The following B3GALNT1 variants were observed in gnomAD, a reference collection of about 807,000 sequenced individuals.
The protein encoded by B3GALNT1 is UDP-GalNAc:beta-1,3-N-acetylgalactosaminyltransferase 1.
B3GALNT1 carries 17 observed loss-of-function variants against 27.3 expected under a neutral mutation model. The ratio of observed to expected loss-of-function variants is 0.62; its 90% confidence interval spans 0.43 to 0.94. B3GALNT1 has a LOEUF of 0.94. Ranked by LOEUF, B3GALNT1 falls within the 40% of genes least tolerant of loss-of-function variation. B3GALNT1 has a pLI of 0.00. For synonymous variants in B3GALNT1, 141 were observed against 144.0 expected (o/e 0.98, Z 0.15); for missense variants, 347 against 390.0 (o/e 0.89, Z 0.93).
chr3:161,086,692 G>A lies in B3GALNT1; in HGVS notation c.63C>T (p.Ser21=). ...AACTCAGGAGTGACAGCAGCAGGAGGCTCCATTTGAGGGATCTCAGTGACA... is the reference window on the plus strand; with the variant it reads ...AACTCAGGAGTGACAGCAGCAGGAGACTCCATTTGAGGGATCTCAGTGACA... The part of the protein sequence containing the change: ...SRMSLRSLKW[S]LLLLSLLSFF... The change falls in exon 5 of 5, where the codon AGC becomes AGT. Residue 21 remains serine, a synonymous_variant. Transcript: ENST00000320474. 6.2e-7 allele frequency: 1 copy of A among 1,614,178 alleles called. No homozygotes were observed. Among genetic ancestry groups the A allele is most frequent in the Non-Finnish European group, 8.5e-7 (1 of 1,180,030 alleles).
At chr3:161,101,311 T>G (rs1560011966) in intron 3 of B3GALNT1, 78 bp from the exon 4 acceptor site, 1 of 914,784 alleles carries the variant, frequency 1.1e-6, no homozygotes, top group African/African-American at 1.7e-5. Context: ...CTGTGTCTGT[T>G]TTGTTACAAA....
At chr3:161,091,203 G>T (rs912487490) in intron 4 of B3GALNT1, among the ~76,000 whole-genome samples, 2 of 152,038 alleles carry the variant, frequency 1.3e-5, no homozygotes, top group African/African-American at 2.4e-5. Context: ...TGGGAGGTCC[G>T]GGCTGCAGTG....
Position 161,085,565 on chromosome 3 carries a change from C to G in B3GALNT1, c.*194G>C, listed in dbSNP as rs1256614732. 1.7e-6 allele frequency: 1 copy of G among 603,310 alleles called. No homozygotes were observed. The highest frequency in any genetic ancestry group is 2.9e-6 in the Non-Finnish European group (1 of 343,566). 37.4% of individuals were successfully genotyped at this position (603,310 alleles called of 1,614,324 possible). On this transcript the variant is annotated 3_prime_UTR_variant, in exon 5 of 5. Transcript: ENST00000320474. The stretch of plus-strand genomic sequence containing the variant: ...CCAATTCCTTTATATTTAATTCCTC[C>G]ACATATCATCTTTGAAGGGCCTGAC...
intron 2 of B3GALNT1, 37 bp from the exon 3 acceptor site, chr3:161,103,554 T>C (rs1170970517): frequency 2.9e-5 from 25 of 866,750 alleles, no homozygotes; most frequent in East Asian, 6.4e-5. Flanking sequence ...ATATGAGTCA[T>C]AACATTAGGA....
chr3:161,099,442 G>A (rs1422136914), intron 4 of B3GALNT1, among the ~76,000 whole-genome samples: 2 of 152,134 alleles, frequency 1.3e-5, no homozygotes, highest in Non-Finnish European at 2.9e-5. Context: ...GCAGGATGGG[G>A]GGCCATTTTA....
Position 161,085,591 on chromosome 3 carries a change from T to C in B3GALNT1, c.*168A>G. Reference sequence around the variant, plus strand: ...ACATATCATCTTTGAAGGGCCTGACTAATAAATCACAAGTGTAACCCTCCA... The same window carrying C: ...ACATATCATCTTTGAAGGGCCTGACCAATAAATCACAAGTGTAACCCTCCA... On this transcript the variant is annotated 3_prime_UTR_variant, in exon 5 of 5. Transcript: ENST00000320474. 1 of 683,422 alleles carries C rather than the reference T, an allele frequency of 1.5e-6. No homozygotes were observed. 42.3% of individuals were successfully genotyped at this position (683,422 alleles called of 1,614,324 possible). A position where few individuals can be genotyped will look rare whatever the true frequency, so the allele number is the denominator to read the frequency against.
At chr3:161,097,293 G>GT (rs1189592414) in intron 4 of B3GALNT1, among the ~76,000 whole-genome samples, 1 of 152,182 alleles carries the variant, frequency 6.6e-6, no homozygotes, top group African/African-American at 2.4e-5. Context: ...CTGGCACACA[G>GT]TAAGGGCTAA....
chr3:161,103,432 G>GT lies in B3GALNT1; in HGVS notation c.-136_-135insA. The GT allele has an allele frequency of 8.0e-7, 1 of 1,248,994 alleles. No homozygotes were observed. The highest frequency in any genetic ancestry group is 1.3e-5 in the South Asian group (1 of 79,104). The allele number at this position is 1,248,994 out of a possible 1,614,324, so 77.4% of individuals were successfully genotyped here. ...TTAAAAGTAGATGAACTTACCTGTGGAATTCCAGATGAAATTAAAGCTTAA... is the reference window on the plus strand; with the variant it reads ...TTAAAAGTAGATGAACTTACCTGTGGTAATTCCAGATGAAATTAAAGCTTAA... On this transcript the variant is annotated 5_prime_UTR_variant, in exon 3 of 5. Transcript: ENST00000320474.
chr3:161,102,307 T>A (rs1254034110), intron 3 of B3GALNT1, among the ~76,000 whole-genome samples: 1 of 152,176 alleles, frequency 6.6e-6, no homozygotes, highest in African/African-American at 2.4e-5. Context: ...GATAACCTAC[T>A]CTAGCTTTCT....
At position 161,103,458 on chromosome 3, in the gene B3GALNT1, G is replaced by T; in HGVS notation, c.-161C>A. 1 of 1,281,340 alleles carries T rather than the reference G, an allele frequency of 7.8e-7. No individual in the cohort carries two copies. The allele number at this position is 1,281,340 out of a possible 1,614,324, so 79.4% of individuals were successfully genotyped here. A position where few individuals can be genotyped will look rare whatever the true frequency, so the allele number is the denominator to read the frequency against. On this transcript the variant is annotated 5_prime_UTR_variant, in exon 3 of 5. Transcript: ENST00000320474. ...AATTCCAGATGAAATTAAAGCTTAA[G>T]TTTTTTGTTGTTTTCTGTATTCCAT...
At position 161,086,087 on chromosome 3, in the gene B3GALNT1, TG is replaced by T. The variant is rs1234859605; in HGVS notation, c.667del (p.His223IlefsTer22). The T allele has an allele frequency of 1.3e-6, 2 of 1,599,154 alleles. No homozygotes were observed. The highest frequency in any genetic ancestry group is 1.7e-6 in the Non-Finnish European group (2 of 1,173,614). ...YSYRGFYQKT[H>X]ISYQEYPFKV... is the part of the protein sequence containing the mutation. ...GAAAGGATACTCCTGGTAAGAAATA[TG>T]GGTTTTTTGGTAAAATCCTCTATAG... On this transcript the variant is annotated frameshift_variant, in exon 5 of 5. Coordinates refer to ENST00000320474, the MANE Select transcript of B3GALNT1 (RefSeq NM_003781.4). LOFTEE classifies it high-confidence loss of function.
chr3:161,102,621 C>T (rs748548744), intron 3 of B3GALNT1, among the ~76,000 whole-genome samples: 2 of 152,154 alleles, frequency 1.3e-5, no homozygotes, highest in Non-Finnish European at 2.9e-5. Flanking sequence ...TGCCAAACAG[C>T]CTGCTGTTAA....
At chr3:161,103,804 T>C (rs1487160152) in intron 2 of B3GALNT1, among the ~76,000 whole-genome samples, 2 of 152,208 alleles carry the variant, frequency 1.3e-5, no homozygotes, top group East Asian at 3.9e-4. Flanking sequence ...CTCGGCTCAC[T>C]GCAACCTCTG....
chr3:161,100,761 T>G (rs542224861), intron 4 of B3GALNT1, among the ~76,000 whole-genome samples: 5 of 152,084 alleles, frequency 3.3e-5, no homozygotes, highest in Admixed American at 2.6e-4. Context: ...CTGCCCTATC[T>G]GCATATTCCA....
At chr3:161,098,228 A>C (rs1729247940) in intron 4 of B3GALNT1, among the ~76,000 whole-genome samples, 1 of 152,162 alleles carries the variant, frequency 6.6e-6, no homozygotes, top group Non-Finnish European at 1.5e-5. Flanking sequence ...CCTGTTCAGG[A>C]GTCAGGGTGT....
intron 4 of B3GALNT1, among the ~76,000 whole-genome samples, chr3:161,096,031 T>C (rs1468377673): frequency 2.6e-5 from 4 of 152,344 alleles, no homozygotes; most frequent in Non-Finnish European, 5.9e-5. Context: ...ATTTGTTTAT[T>C]GTCTATTCCC....
chr3:161,104,262 G>A, intron 2 of B3GALNT1, 57 bp downstream of exon 2: 5 of 1,257,416 alleles, frequency 4.0e-6, no homozygotes, highest in Non-Finnish European at 5.2e-6. Flanking sequence ...TAAGCCTCCT[G>A]GGAGAAGCTA....
intron 4 of B3GALNT1, among the ~76,000 whole-genome samples, chr3:161,097,864 T>C (rs1729030786): frequency 6.6e-6 from 1 of 152,204 alleles, no homozygotes; most frequent in Non-Finnish European, 1.5e-5. Flanking sequence ...TGGTTTACAT[T>C]TTTCTCCTTA....
intron 4 of B3GALNT1, among the ~76,000 whole-genome samples, chr3:161,094,929 C>A (rs139186977): frequency 6.6e-6 from 1 of 152,178 alleles, no homozygotes; most frequent in East Asian, 1.9e-4. Flanking sequence ...GCTACAACTA[C>A]TCCCTCCCAA....
Sources: allele counts gnomAD v4.1 joint callset (sites outside exome capture counted in the v4.1 genomes callset), GRCh38; gene constraint gnomAD v4.1.1; transcripts MANE v1.5; gene names NCBI Gene and HGNC (gene_info 2026-07-23, HGNC 2026-07-21).